LEMD3: variants seen among roughly 807,000 people sequenced by gnomAD.
LEMD3 encodes the protein LEM domain containing 3.
In LEMD3, 33 loss-of-function variants were observed where a neutral mutation model predicts 95.2. That is an observed-to-expected ratio of 0.35 (90% CI 0.26 to 0.46). The LOEUF (loss-of-function observed/expected upper bound fraction) is 0.46, where lower values mean the gene tolerates loss of function less well. LEMD3 is among the 20% of genes least tolerant of loss of function. The pLI, the probability that LEMD3 is intolerant of heterozygous loss-of-function variation, is 1.00. For missense variants in LEMD3, 1,210 were observed against 1,192.8 expected (o/e 1.01, Z -0.21); for synonymous variants, 525 against 474.6 (o/e 1.11, Z -1.38).
chr12:65,194,883 TTATAAAATTAAAATAAA>T (rs1359405558), intron 1 of LEMD3, among the ~76,000 whole-genome samples: 5 of 147,708 alleles, frequency 3.4e-5, no homozygotes, highest in East Asian at 2.0e-4. Context: ...AGATTATAAT[TTATAAAATTAAAATAAA>T]ATAATTATTA....
At chr12:65,201,607 A>G (rs146894905) in intron 1 of LEMD3, among the ~76,000 whole-genome samples, 2,362 of 152,336 alleles carry the variant, frequency 0.016, 28 homozygotes, top group Middle Eastern at 0.041. Context: ...TTACTGGCAT[A>G]TAGCAAAGTA....
intron 1 of LEMD3, among the ~76,000 whole-genome samples, chr12:65,201,227 A>G (rs1156963106): frequency 6.6e-6 from 1 of 152,158 alleles, no homozygotes; most frequent in East Asian, 1.9e-4. Context: ...GAAGTCAGAC[A>G]CTGTCAGTCT....
intron 1 of LEMD3, among the ~76,000 whole-genome samples, chr12:65,175,444 G>A (rs1235779837): frequency 1.3e-5 from 2 of 152,028 alleles, no homozygotes; most frequent in Non-Finnish European, 2.9e-5. Flanking sequence ...ACTCAACCCT[G>A]TCTAGTTTAG....
chr12:65,190,224 G>A (rs765306696), intron 1 of LEMD3, among the ~76,000 whole-genome samples: 1 of 152,056 alleles, frequency 6.6e-6, no homozygotes, highest in Non-Finnish European at 1.5e-5. Flanking sequence ...AATAAAATTC[G>A]AAGGCCCCCT....
At chr12:65,228,873 A>G (rs1870538316) in intron 4 of LEMD3, among the ~76,000 whole-genome samples, 1 of 152,240 alleles carries the variant, frequency 6.6e-6, no homozygotes, top group Non-Finnish European at 1.5e-5. Context: ...ATTTGAAAAT[A>G]TATAATAAAT....
Position 65,218,634 on chromosome 12 carries a change from T to A in LEMD3, c.1695+15T>A, listed in dbSNP as rs770986606. ...CGTATTTAAAAGTAAGCAATGAAAT[T>A]AGAATTTTAATAGCTATATTTTAAA... On this transcript the variant is annotated intron_variant, in intron 4 of 12. Coordinates refer to ENST00000308330, the MANE Select transcript of LEMD3 (RefSeq NM_014319.5). 45 of 1,532,120 alleles carry A rather than the reference T, an allele frequency of 2.9e-5. No homozygotes were observed. The highest frequency in any genetic ancestry group is 3.9e-5 in the Non-Finnish European group (43 of 1,114,608). The allele number at this position is 1,532,120 out of a possible 1,614,324, so 94.9% of individuals were successfully genotyped here.
At position 65,170,508 on chromosome 12, in the gene LEMD3, C is replaced by T; in HGVS notation, c.912C>T (p.Gly304=). 1 of 1,614,118 alleles carries T rather than the reference C, an allele frequency of 6.2e-7. No individual in the cohort carries two copies. The highest frequency in any genetic ancestry group is 2.2e-5 in the East Asian group (1 of 44,858). ...LPPLTAKSAG[G]RLETSVQGGG... The stretch of plus-strand genomic sequence containing the variant: ...CGCTGACTGCTAAATCGGCCGGCGG[C>T]AGGCTGGAGACTTCAGTTCAGGGAG... The change falls in exon 1 of 13, where the codon GGC becomes GGT. Residue 304 remains glycine, a synonymous_variant. Transcript: ENST00000308330.
At chr12:65,209,753 T>G (rs1592446389) in intron 1 of LEMD3, among the ~76,000 whole-genome samples, 1 of 152,188 alleles carries the variant, frequency 6.6e-6, no homozygotes, top group Non-Finnish European at 1.5e-5. Flanking sequence ...AGGATACATT[T>G]TTTTTTCCTT....
intron 4 of LEMD3, among the ~76,000 whole-genome samples, chr12:65,223,915 A>T (rs988436169): frequency 7.6e-6 from 1 of 131,982 alleles, no homozygotes; most frequent in African/African-American, 2.9e-5. Flanking sequence ...TGTGGTTACT[A>T]TTGGGGCTTA....
intron 4 of LEMD3, among the ~76,000 whole-genome samples, chr12:65,229,950 T>C (rs1218461810): frequency 6.6e-6 from 1 of 152,164 alleles, no homozygotes; most frequent in East Asian, 1.9e-4. Context: ...TAATTTTAGG[T>C]CTTACATTTA....
chr12:65,170,388 G>GGACGAC lies in LEMD3; in HGVS notation c.800_805dup (p.Asp267_Asp268dup), dbSNP rs780012432. The GGACGAC allele has an allele frequency of 6.2e-7, 1 of 1,613,928 alleles. No homozygotes were observed. Reference sequence around the variant, plus strand: ...AAAACTATTCGGACTCAGAGGAAGAGGACGACGACGACGTGGCCTCCAGCA... The same window carrying GGACGAC: ...AAAACTATTCGGACTCAGAGGAAGAGGACGACGACGACGACGACGTGGCCTCCAGCA... On this transcript the variant is annotated inframe_insertion, in exon 1 of 13. Coordinates refer to ENST00000308330, the MANE Select transcript of LEMD3 (RefSeq NM_014319.5).
chr12:65,188,606 T>C (rs557203363), intron 1 of LEMD3, among the ~76,000 whole-genome samples: 27 of 152,280 alleles, frequency 1.8e-4, no homozygotes, highest in African/African-American at 6.5e-4. Flanking sequence ...ACAGAGAAAA[T>C]CTTCAGGCTA....
rs767190888 is a variant in LEMD3 at position 65,169,979 on chromosome 12, C to T, written c.383C>T (p.Ala128Val). ...LLGGPGGASA[A>V]PAAGSKVLLG... is the part of the protein sequence containing the mutation. The stretch of plus-strand genomic sequence containing the variant: ...GGAGGGCCCGGGGGCGCCTCCGCCG[C>T]CCCCGCGGCTGGCAGCAAAGTGCTG... Residue 128 changes from alanine (A) to valine (V), a missense_variant, in exon 1 of 13, where the codon GCC becomes GTC. This residue lies in a region of LEMD3 where 749 missense variants were observed against 622.9 expected (regional missense o/e 1.20). Transcript: ENST00000308330. 28 of 1,467,526 alleles carry T rather than the reference C, an allele frequency of 1.9e-5. No individual in the cohort carries two copies. In the Middle Eastern group the frequency reaches 6.1e-4, roughly 32 times the overall value. 90.9% of individuals were successfully genotyped at this position (1,467,526 alleles called of 1,614,324 possible).
At chr12:65,240,464 G>T in intron 8 of LEMD3, 1 of 522,456 alleles carries the variant, frequency 1.9e-6, no homozygotes, top group Non-Finnish European at 3.4e-6. Context: ...TCATTCCTAG[G>T]CATTCTTGAT....
intron 9 of LEMD3, among the ~76,000 whole-genome samples, chr12:65,242,000 T>A (rs1870953185): frequency 6.6e-6 from 1 of 152,208 alleles, no homozygotes; most frequent in Non-Finnish European, 1.5e-5. Flanking sequence ...GTAACAAATC[T>A]GCATGTCCTG....
At chr12:65,208,579 G>C (rs945352878) in intron 1 of LEMD3, among the ~76,000 whole-genome samples, 6 of 152,040 alleles carry the variant, frequency 3.9e-5, no homozygotes, top group African/African-American at 1.2e-4. Context: ...AGAAGATATT[G>C]GTGTGTTTTT....
chr12:65,174,803 G>T (rs1000270388), intron 1 of LEMD3, among the ~76,000 whole-genome samples: 35 of 152,168 alleles, frequency 2.3e-4, no homozygotes, highest in African/African-American at 8.2e-4. Context: ...ATTTCTAGGA[G>T]GGGAATGGAC....
At chr12:65,213,989 T>C (rs1316583562) in intron 2 of LEMD3, among the ~76,000 whole-genome samples, 1 of 152,194 alleles carries the variant, frequency 6.6e-6, no homozygotes, top group Non-Finnish European at 1.5e-5. Flanking sequence ...TCCTATTATG[T>C]TGAAGATATT....
At chr12:65,196,771 G>C (rs1342207426) in intron 1 of LEMD3, among the ~76,000 whole-genome samples, 1 of 152,112 alleles carries the variant, frequency 6.6e-6, no homozygotes. Flanking sequence ...GCAGCAAAAA[G>C]TGATGAACTC....
Sources: gnomAD v4.1 joint callset for allele counts (sites outside exome capture counted in the v4.1 genomes callset) on GRCh38, gnomAD v4.1.1 for gene constraint, gnomAD v4.1.1 regional missense constraint, MANE v1.5 for transcripts, NCBI Gene and HGNC (gene_info 2026-07-23, HGNC 2026-07-21) for gene names.